The following XRN1 variants were observed in gnomAD, a reference collection of about 807,000 sequenced individuals.
The protein encoded by XRN1 is 5'-3' exoribonuclease 1.
XRN1 carries 67 observed loss-of-function variants against 222.3 expected under a neutral mutation model. That is an observed-to-expected ratio of 0.30 (90% CI 0.25 to 0.37). The LOEUF (loss-of-function observed/expected upper bound fraction) is 0.37. Among genes scored for constraint, XRN1 ranks in the 10% least tolerant of loss-of-function variants. XRN1 has a pLI of 1.00. For synonymous variants in XRN1, 643 were observed against 652.4 expected (o/e 0.99, Z 0.22); for missense variants, 1,707 against 2,000.2 (o/e 0.85, Z 2.80).
intron 1 of XRN1, among the ~76,000 whole-genome samples, chr3:142,445,215 TCTAA>T (rs2070452814): frequency 2.0e-5 from 3 of 152,188 alleles, no homozygotes; most frequent in African/African-American, 4.8e-5. Context: ...TTCATTTACT[TCTAA>T]CTTTCTCTGT....
intron 20 of XRN1, among the ~76,000 whole-genome samples, chr3:142,396,079 G>T (rs1333058200): frequency 1.3e-5 from 2 of 152,182 alleles, no homozygotes; most frequent in Non-Finnish European, 2.9e-5. Context: ...AATATCATAA[G>T]TGTAGGAACT....
intron 25 of XRN1, among the ~76,000 whole-genome samples, chr3:142,371,902 AT>A (rs2067002372): frequency 6.6e-6 from 1 of 152,190 alleles, no homozygotes; most frequent in Non-Finnish European, 1.5e-5. Flanking sequence ...ACCTGTTAAA[AT>A]TTTAGAAACT....
At chr3:142,431,135 G>A (rs1047978939) in intron 2 of XRN1, among the ~76,000 whole-genome samples, 1 of 152,158 alleles carries the variant, frequency 6.6e-6, no homozygotes, top group Non-Finnish European at 1.5e-5. Flanking sequence ...TCACTTTCTA[G>A]TTACCATCCC....
At chr3:142,313,497 A>G (rs1219314186) in intron 39 of XRN1, among the ~76,000 whole-genome samples, 4 of 152,196 alleles carry the variant, frequency 2.6e-5, no homozygotes, top group African/African-American at 9.6e-5. Context: ...AAACTACATT[A>G]AACAGTGACA....
intron 39 of XRN1, among the ~76,000 whole-genome samples, chr3:142,317,059 G>T (rs778350467): frequency 6.6e-6 from 1 of 152,086 alleles, no homozygotes; most frequent in Non-Finnish European, 1.5e-5. Context: ...TGGCTTCTAG[G>T]CACTGTTCAA....
chr3:142,332,463 G>T lies in XRN1; in HGVS notation c.4134C>A (p.Ile1378=). 2 of 1,613,176 alleles carry T rather than the reference G, an allele frequency of 1.2e-6. No homozygotes were observed. The highest frequency in any genetic ancestry group is 1.7e-6 in the Non-Finnish European group (2 of 1,179,418). Residue 1378 remains isoleucine, a synonymous_variant, in exon 36 of 41, where the codon ATC becomes ATA. Coordinates refer to ENST00000392981, the MANE Select transcript of XRN1 (RefSeq NM_001282857.2). ...GSNTVDHKNE[I]KQIANEIPVS... is the part of the protein sequence containing the mutation. ...CAGGGATTTCATTAGCAATCTGTTT[G>T]ATTTCATTCTTATGGTCCACAGTGT...
intron 30 of XRN1, among the ~76,000 whole-genome samples, chr3:142,357,945 G>A (rs934377704): frequency 6.6e-6 from 1 of 152,162 alleles, no homozygotes; most frequent in Non-Finnish European, 1.5e-5. Context: ...GGCTGAGGCA[G>A]GAGAATTGCT....
intron 13 of XRN1, among the ~76,000 whole-genome samples, chr3:142,415,395 A>T (rs1464699883): frequency 6.6e-6 from 1 of 152,212 alleles, no homozygotes; most frequent in African/African-American, 2.4e-5. Flanking sequence ...TAGACTTTGG[A>T]ATCAGACAGG....
intron 1 of XRN1, among the ~76,000 whole-genome samples, chr3:142,441,359 C>T (rs1031854066): frequency 1.3e-5 from 2 of 152,252 alleles, no homozygotes; most frequent in Non-Finnish European, 2.9e-5. Flanking sequence ...GCAGAAGTGG[C>T]TTTCCAGGCC....
chr3:142,375,192 C>T (rs1040208662), intron 25 of XRN1, among the ~76,000 whole-genome samples: 1 of 152,278 alleles, frequency 6.6e-6, no homozygotes, highest in Admixed American at 6.5e-5. Flanking sequence ...TACTTTGTTA[C>T]AGGAGCTAGC....
intron 33 of XRN1, 40 bp from the exon 34 acceptor site, chr3:142,335,549 T>C: frequency 6.5e-7 from 1 of 1,532,140 alleles, no homozygotes; most frequent in South Asian, 1.2e-5. Context: ...AATGGAAGTG[T>C]TTACTGCACA....
At position 142,319,015 on chromosome 3, in the gene XRN1, T is replaced by A. The variant is rs1248079208; in HGVS notation, c.4405-112A>T. On this transcript the variant is annotated intron_variant, in intron 37 of 40. Transcript: ENST00000392981. ...TTTTATCAAGAATTTAAAAAAGGGC[T>A]TTCAGTTCAAGTTTTCAATTGCCAG... 97 of 935,640 alleles carry A rather than the reference T, an allele frequency of 1.0e-4. 1 individual carries two copies. The East Asian group carries it at 2.6e-3, about 25-fold the overall frequency. 58.0% of individuals were successfully genotyped at this position (935,640 alleles called of 1,614,324 possible).
rs150305244 is a variant in XRN1, at chr3:142,383,017, T to C, written c.2616+283A>G. Among the ~76,000 whole-genome samples the C allele has an allele frequency of 8.4e-3, 1,222 of 145,334 alleles. 9 individuals are homozygous for C. The highest frequency in any genetic ancestry group is 0.017 in the South Asian group (81 of 4,664). The stretch of plus-strand genomic sequence containing the variant: ...CTAAAATAGTTACAAAATCGTTTCA[T>C]CCATACCACTACAATAAACAAAACT... On this transcript the variant is annotated intron_variant, in intron 22 of 40. Coordinates refer to ENST00000392981, the MANE Select transcript of XRN1 (RefSeq NM_001282857.2).
intron 20 of XRN1, among the ~76,000 whole-genome samples, chr3:142,384,965 CAG>C (rs1416407503): frequency 6.6e-6 from 1 of 151,964 alleles, no homozygotes; most frequent in Non-Finnish European, 1.5e-5. Context: ...AATTAAAAAA[CAG>C]GGAAAAAAAT....
chr3:142,315,490 T>C (rs567866856), intron 39 of XRN1, among the ~76,000 whole-genome samples: 2 of 151,136 alleles, frequency 1.3e-5, no homozygotes, highest in South Asian at 2.1e-4. Context: ...ATATACATTG[T>C]ACTAAAAAAG....
intron 33 of XRN1, among the ~76,000 whole-genome samples, chr3:142,346,136 G>T (rs2066138047): frequency 6.6e-6 from 1 of 152,102 alleles, no homozygotes; most frequent in South Asian, 2.1e-4. Context: ...CAACCTCCAT[G>T]TCTACAAATG....
Position 142,426,788 on chromosome 3 carries a change from G to T in XRN1, c.362C>A (p.Thr121Asn), listed in dbSNP as rs754527318. ...ATCAAATCTGGCCTCTGTAGGAAGA[G>T]TTTCTCCCTTCTCTATTGCCTTTTT... is the stretch of plus-strand genomic sequence containing the variant. ...KIKKAIEKGE[T>N]LPTEARFDSN... is the part of the protein sequence containing the mutation. Residue 121 changes from threonine (T) to asparagine (N), a missense_variant, in exon 3 of 41, where the codon ACT becomes AAT. Thr to Asn is a moderately conservative substitution (Grantham distance 65). Around this residue, in one of 2 missense-constraint regions of XRN1, gnomAD observed 1,234 missense variants for 1,518.2 expected, o/e 0.81. Transcript: ENST00000392981. The T allele has an allele frequency of 6.2e-7, 1 of 1,613,816 alleles. No homozygotes were observed.
In XRN1 at chr3:142,422,827, A is replaced by G; in HGVS notation, c.798+8T>C. The G allele has an allele frequency of 6.2e-7, 1 of 1,605,780 alleles. No homozygotes were observed. Among genetic ancestry groups the G allele is most frequent in the Non-Finnish European group, 8.5e-7 (1 of 1,175,022 alleles). On this transcript the variant is annotated splice_region_variant and intron_variant, in intron 7 of 40. Transcript: ENST00000392981. Reference sequence around the variant, plus strand: ...AAATCCTTGGTCCATGGCTTTATTAATACTTACTTTTAATACTGAAAACTC... The same window carrying G: ...AAATCCTTGGTCCATGGCTTTATTAGTACTTACTTTTAATACTGAAAACTC...
At chr3:142,339,017 C>T (rs1193775316) in intron 33 of XRN1, among the ~76,000 whole-genome samples, 1 of 152,208 alleles carries the variant, frequency 6.6e-6, no homozygotes, top group Non-Finnish European at 1.5e-5. Context: ...AGGGAACACA[C>T]TTCCCTAAAG....
Sources: gnomAD v4.1 joint callset for allele counts (sites outside exome capture counted in the v4.1 genomes callset) on GRCh38, gnomAD v4.1.1 for gene constraint, gnomAD v4.1.1 regional missense constraint, MANE v1.5 for transcripts, NCBI Gene and HGNC (gene_info 2026-07-23, HGNC 2026-07-21) for gene names.